FGF1: variants seen among roughly 807,000 people sequenced by gnomAD.
FGF1 encodes the protein beta-endothelial cell growth factor.
FGF1 carries 9 observed loss-of-function variants against 13.4 expected under a neutral mutation model. The observed-to-expected ratio is 0.67, with a 90% CI of 0.40 to 1.17. The LOEUF (loss-of-function observed/expected upper bound fraction) is 1.17, where lower values mean the gene tolerates loss of function less well. Among genes scored for constraint, FGF1 ranks in the 50% most tolerant of loss-of-function variants. The pLI is 0.01. For synonymous variants in FGF1, 93 were observed against 79.0 expected, an observed-to-expected ratio of 1.18 and a Z score of -0.94; for missense variants, 156 against 192.7, an observed-to-expected ratio of 0.81 and a Z score of 1.13.
At position 142,640,223 on chromosome 5, in the gene FGF1, A is replaced by C. The variant is rs910667892; in HGVS notation, c.-34-26062T>G. Among the ~76,000 whole-genome samples the C allele has an allele frequency of 4.6e-5, 7 of 152,066 alleles. 1 individual carries two copies. Among genetic ancestry groups the C allele is most frequent in the Admixed American group, 2.0e-4 (3 of 15,274 alleles). Reference sequence around the variant, plus strand: ...AAATATGTATTAAATACTGTGATTTATCAGGCACTGGGAACACAGGGGTAA... The same window carrying C: ...AAATATGTATTAAATACTGTGATTTCTCAGGCACTGGGAACACAGGGGTAA... On this transcript the variant is annotated intron_variant, in intron 1 of 3. Coordinates refer to ENST00000337706, the MANE Select transcript of FGF1 (RefSeq NM_000800.5).
chr5:142,673,119 A>G (rs1289948306), intron 1 of FGF1, among the ~76,000 whole-genome samples: 1 of 152,200 alleles, frequency 6.6e-6, no homozygotes, highest in Non-Finnish European at 1.5e-5. Context: ...TCTGAAGAGC[A>G]GTAACACAAT....
chr5:142,592,494 G>T lies in FGF1; in HGVS notation c.*2796C>A. 2.5e-6 allele frequency: 1 copy of T among 398,288 alleles called. No homozygotes were observed. The highest frequency in any genetic ancestry group is 1.3e-4 in the South Asian group (1 of 7,776). The allele number at this position is 398,288 out of a possible 1,614,324, so 24.7% of individuals were successfully genotyped here. On this transcript the variant is annotated 3_prime_UTR_variant, in exon 4 of 4. Transcript: ENST00000337706. The stretch of plus-strand genomic sequence containing the variant: ...CCTCCACCACCATCACATTGCAAAC[G>T]ACCAAAAGCACATATGTTCATGATG...
rs1016493956 is a variant in FGF1 at position 142,675,409 on chromosome 5, C to G, written c.-35+10548G>C. Among the ~76,000 whole-genome samples, 4 of 152,322 alleles carry G rather than the reference C, an allele frequency of 2.6e-5. No homozygotes were observed. In the East Asian group the frequency reaches 5.8e-4, roughly 22 times the overall value. ...CTGGACCCCTTCCCAGAATCCATCT[C>G]TCTGTGCTGGTGCGGAAGCCAAGTG... is the stretch of plus-strand genomic sequence containing the variant. On this transcript the variant is annotated intron_variant, in intron 1 of 3. Transcript: ENST00000337706.
intron 1 of FGF1, among the ~76,000 whole-genome samples, chr5:142,645,146 A>G (rs992016716): frequency 6.6e-6 from 1 of 152,160 alleles, no homozygotes; most frequent in African/African-American, 2.4e-5. Context: ...TTAAAATGGA[A>G]AGTGGCATTA....
intron 1 of FGF1, among the ~76,000 whole-genome samples, chr5:142,657,316 TAA>T (rs1427575129): frequency 3.3e-5 from 5 of 152,206 alleles, no homozygotes; most frequent in African/African-American, 1.2e-4. Flanking sequence ...CCAAACTTGC[TAA>T]GTTCTCTCTC....
intron 2 of FGF1, among the ~76,000 whole-genome samples, chr5:142,696,288 A>G (rs1753098533): frequency 1.3e-5 from 2 of 152,208 alleles, no homozygotes; most frequent in South Asian, 4.1e-4. Flanking sequence ...AGACCATTGC[A>G]AAAAAGCAAC....
intron 1 of FGF1, among the ~76,000 whole-genome samples, chr5:142,653,852 GGGA>G (rs1328529324): frequency 1.3e-5 from 2 of 152,164 alleles, no homozygotes; most frequent in African/African-American, 4.8e-5. Context: ...TCAGCACTTT[GGGA>G]GGCTGAGGTG....
chr5:142,662,499 G>C (rs2152002987), intron 1 of FGF1, among the ~76,000 whole-genome samples: 1 of 152,298 alleles, frequency 6.6e-6, no homozygotes, highest in South Asian at 2.1e-4. Context: ...TTTTGTTGAT[G>C]TTGTCACTAT....
chr5:142,662,766 C>CG (rs1769497890), intron 1 of FGF1, among the ~76,000 whole-genome samples: 1 of 152,120 alleles, frequency 6.6e-6, no homozygotes, highest in Non-Finnish European at 1.5e-5. Flanking sequence ...ACTTTTCATA[C>CG]TTTGATTAAA....
chr5:142,625,155 A>G (rs1264795452), intron 1 of FGF1, among the ~76,000 whole-genome samples: 2 of 152,054 alleles, frequency 1.3e-5, no homozygotes, highest in Non-Finnish European at 2.9e-5. Flanking sequence ...GCCACACCAG[A>G]CTCATCAAGC....
At chr5:142,632,513 T>G (rs993864555) in intron 1 of FGF1, among the ~76,000 whole-genome samples, 10 of 152,208 alleles carry the variant, frequency 6.6e-5, no homozygotes, top group African/African-American at 2.4e-4. Context: ...TCAGTCCACT[T>G]ACAAACCCTT....
At chr5:142,659,435 G>T (rs1344734487) in intron 1 of FGF1, among the ~76,000 whole-genome samples, 1 of 152,064 alleles carries the variant, frequency 6.6e-6, no homozygotes, top group Non-Finnish European at 1.5e-5. Flanking sequence ...CACCATGTTG[G>T]CCAGGATGGT....
intron 1 of FGF1, among the ~76,000 whole-genome samples, chr5:142,678,281 G>A (rs1330616013): frequency 6.6e-6 from 1 of 152,150 alleles, no homozygotes; most frequent in South Asian, 2.1e-4. Context: ...CTGAAGAGAA[G>A]GGAATTATTT....
At chr5:142,615,543 G>A (rs1760063633) in intron 1 of FGF1, among the ~76,000 whole-genome samples, 1 of 152,082 alleles carries the variant, frequency 6.6e-6, no homozygotes, top group Admixed American at 6.5e-5. Flanking sequence ...CTTTGTAAGT[G>A]TGAGTAGTGA....
chr5:142,615,867 G>A (rs1561561313), intron 1 of FGF1, among the ~76,000 whole-genome samples: 1 of 152,144 alleles, frequency 6.6e-6, no homozygotes. Context: ...ATGAGGAGTG[G>A]GGTTTTTACC....
At position 142,612,383 on chromosome 5, in the gene FGF1, C is replaced by A. The variant is rs976909011; in HGVS notation, c.169+1576G>T. 2.6e-5 allele frequency among the ~76,000 whole-genome samples: 4 copies of A among 152,276 alleles called. No homozygotes were observed. The South Asian group carries it at 6.2e-4, about 24-fold the overall frequency. ...GCTAGCTTAACCCCAAGGAACATAT[C>A]ATGAAGTTTGTCTTTCCTCTTGGGT... On this transcript the variant is annotated intron_variant, in intron 2 of 3. Coordinates refer to ENST00000337706, the MANE Select transcript of FGF1 (RefSeq NM_000800.5).
At chr5:142,632,318 T>G (rs1236711450) in intron 1 of FGF1, among the ~76,000 whole-genome samples, 2 of 152,180 alleles carry the variant, frequency 1.3e-5, no homozygotes. Flanking sequence ...GTAACCAAAA[T>G]GACTAAGGAG....
intron 2 of FGF1, among the ~76,000 whole-genome samples, chr5:142,691,421 C>CAAATA (rs151025512): frequency 0.026 from 3,291 of 128,460 alleles, 89 homozygotes; most frequent in African/African-American, 0.057. Flanking sequence ...GACTCTGTCT[C>CAAATA]AAATAAAATA....
chr5:142,629,350 G>A (rs1424545460), intron 1 of FGF1, among the ~76,000 whole-genome samples: 2 of 152,128 alleles, frequency 1.3e-5, no homozygotes, highest in Admixed American at 6.6e-5. Flanking sequence ...TTTTAGTAGA[G>A]ACAAGGTCTC....
Sources: gnomAD v4.1 joint callset for allele counts (sites outside exome capture counted in the v4.1 genomes callset) on GRCh38, gnomAD v4.1.1 for gene constraint, MANE v1.5 for transcripts, NCBI Gene and HGNC (gene_info 2026-07-23, HGNC 2026-07-21) for gene names.